The following MBOAT2 variants were observed in gnomAD, a reference collection of about 807,000 sequenced individuals.
MBOAT2 encodes membrane bound glycerophospholipid O-acyltransferase 2, also known as membrane-bound glycerophospholipid O-acyltransferase 2.
A neutral mutation model predicts 63.4 loss-of-function variants in MBOAT2; 28 were observed. The observed-to-expected ratio is 0.44, with a 90% CI of 0.33 to 0.61. MBOAT2 has a LOEUF of 0.61. Ranked by LOEUF, MBOAT2 falls within the 20% of genes least tolerant of loss-of-function variation. The probability of loss-of-function intolerance (pLI) is 0.03; values close to 1 mark genes in which losing one functional copy is unlikely to be tolerated. For missense variants in MBOAT2, 470 were observed against 605.8 expected (o/e 0.78, Z 2.35); for synonymous variants, 211 against 215.6 (o/e 0.98, Z 0.19).
intron 1 of MBOAT2, among the ~76,000 whole-genome samples, chr2:9,002,427 G>C (rs1672761325): frequency 6.6e-6 from 1 of 152,196 alleles, no homozygotes; most frequent in African/African-American, 2.4e-5. Context: ...AAGGAATCCC[G>C]TATTGAAGTG....
At chr2:8,949,885 G>A (rs185649262) in intron 2 of MBOAT2, among the ~76,000 whole-genome samples, 188 of 152,130 alleles carry the variant, frequency 1.2e-3, no homozygotes, top group African/African-American at 4.0e-3. Flanking sequence ...AATGACATTG[G>A]CAGTTTGATA....
intron 6 of MBOAT2, among the ~76,000 whole-genome samples, chr2:8,881,142 A>G (rs941079224): frequency 6.6e-6 from 1 of 152,230 alleles, no homozygotes; most frequent in Admixed American, 6.5e-5. Context: ...TCCGTGCAGC[A>G]GTGAGAAGCT....
chr2:8,946,800 G>A (rs28453324), intron 2 of MBOAT2, among the ~76,000 whole-genome samples: 4,195 of 152,244 alleles, frequency 0.028, 204 homozygotes, highest in African/African-American at 0.095. Context: ...CCACTGACCG[G>A]CAGTCTCTGT....
At chr2:8,935,138 C>T (rs917066371) in intron 3 of MBOAT2, among the ~76,000 whole-genome samples, 1 of 152,092 alleles carries the variant, frequency 6.6e-6, no homozygotes, top group Non-Finnish European at 1.5e-5. Flanking sequence ...TGTGGAGAGC[C>T]TAAGAGGAAG....
At chr2:8,964,802 T>C (rs952185188) in intron 1 of MBOAT2, among the ~76,000 whole-genome samples, 1 of 152,238 alleles carries the variant, frequency 6.6e-6, no homozygotes, top group Non-Finnish European at 1.5e-5. Flanking sequence ...AAACATTATT[T>C]CTCTATTTTT....
intron 12 of MBOAT2, among the ~76,000 whole-genome samples, chr2:8,859,149 T>C (rs1661318417): frequency 6.6e-6 from 1 of 152,202 alleles, no homozygotes; most frequent in East Asian, 1.9e-4. Context: ...TTACATTCCT[T>C]TGTAAGGGTC....
At chr2:8,923,927 G>T (rs532333091) in intron 3 of MBOAT2, among the ~76,000 whole-genome samples, 3 of 152,172 alleles carry the variant, frequency 2.0e-5, no homozygotes, top group South Asian at 2.1e-4. Context: ...ATTAAAATGG[G>T]TTTTTTTGTA....
intron 3 of MBOAT2, among the ~76,000 whole-genome samples, chr2:8,925,250 G>T (rs542083314): frequency 1.2e-4 from 18 of 152,280 alleles, no homozygotes; most frequent in South Asian, 6.2e-4. Flanking sequence ...AATAAAGGGT[G>T]CTACTGTCCA....
intron 1 of MBOAT2, among the ~76,000 whole-genome samples, chr2:8,962,562 T>C (rs1042474784): frequency 2.0e-5 from 3 of 152,180 alleles, no homozygotes; most frequent in Admixed American, 1.3e-4. Context: ...GAGGTGCAAA[T>C]TACCCTGCCA....
At chr2:8,884,195 CAAA>C (rs1169179642) in intron 5 of MBOAT2, among the ~76,000 whole-genome samples, 2 of 22,100 alleles carry the variant, frequency 9.0e-5, no homozygotes, top group Admixed American at 4.7e-4. Context: ...AAGACTCAGC[CAAA>C]AAAAAAAAAA....
chr2:8,942,064 T>C (rs1382808292), intron 3 of MBOAT2, among the ~76,000 whole-genome samples: 1 of 152,196 alleles, frequency 6.6e-6, no homozygotes, highest in African/African-American at 2.4e-5. Context: ...TGAAACACCA[T>C]CTAAATATCC....
intron 2 of MBOAT2, among the ~76,000 whole-genome samples, chr2:8,953,016 G>C (rs1668954033): frequency 6.6e-6 from 1 of 152,112 alleles, no homozygotes; most frequent in Admixed American, 6.5e-5. Context: ...TCATGACATT[G>C]TTACCTGGTT....
chr2:8,895,489 T>C (rs1664383704), intron 4 of MBOAT2, among the ~76,000 whole-genome samples: 1 of 152,148 alleles, frequency 6.6e-6, no homozygotes, highest in African/African-American at 2.4e-5. Flanking sequence ...CCCAATTAGC[T>C]AGACACAGAG....
At chr2:8,931,311 G>T (rs1272990449) in intron 3 of MBOAT2, among the ~76,000 whole-genome samples, 2 of 152,026 alleles carry the variant, frequency 1.3e-5, no homozygotes, top group Non-Finnish European at 2.9e-5. Context: ...ATGTTTGTTG[G>T]TCACATAAAT....
intron 3 of MBOAT2, among the ~76,000 whole-genome samples, chr2:8,935,589 T>C (rs998300145): frequency 1.3e-5 from 2 of 152,246 alleles, no homozygotes; most frequent in African/African-American, 4.8e-5. Flanking sequence ...TTGAAAGATT[T>C]GATCTAGAAG....
At chr2:8,959,575 C>T (rs1442160707) in intron 1 of MBOAT2, among the ~76,000 whole-genome samples, 1 of 151,978 alleles carries the variant, frequency 6.6e-6, no homozygotes, top group African/African-American at 2.4e-5. Flanking sequence ...AATTCTCCCA[C>T]CTCAGCCTTC....
At chr2:8,945,274 C>T (rs971980952) in intron 2 of MBOAT2, among the ~76,000 whole-genome samples, 5 of 152,156 alleles carry the variant, frequency 3.3e-5, no homozygotes, top group African/African-American at 1.2e-4. Context: ...ACCTCCACAA[C>T]AAGCATTCAG....
chr2:8,979,896 T>A (rs1671083072), intron 1 of MBOAT2, among the ~76,000 whole-genome samples: 1 of 152,142 alleles, frequency 6.6e-6, no homozygotes. Flanking sequence ...CTAACAATAG[T>A]GTCTCTTTAG....
chr2:8,871,609 T>C (rs940950373), intron 8 of MBOAT2, among the ~76,000 whole-genome samples: 1 of 152,202 alleles, frequency 6.6e-6, no homozygotes, highest in African/African-American at 2.4e-5. Flanking sequence ...ACAATAAAAA[T>C]GTTCAATCCT....
Sources: allele counts gnomAD v4.1 joint callset (sites outside exome capture counted in the v4.1 genomes callset), GRCh38; gene constraint gnomAD v4.1.1; transcripts MANE v1.5; gene names NCBI Gene and HGNC (gene_info 2026-07-23, HGNC 2026-07-21).